STON2: variants seen among roughly 807,000 people sequenced by gnomAD.
STON2 encodes stonin-2.
STON2 carries 29 observed loss-of-function variants against 65.7 expected under a neutral mutation model. That is an observed-to-expected ratio of 0.44 (90% CI 0.33 to 0.60). The LOEUF is 0.60. STON2 is among the 20% of genes least tolerant of loss of function. The pLI, the probability that STON2 is intolerant of heterozygous loss-of-function variation, is 0.03. For missense variants in STON2, 1,054 were observed against 1,118.1 expected (o/e 0.94, Z 0.82); for synonymous variants, 404 against 414.2 (o/e 0.98, Z 0.30).
intron 3 of STON2, among the ~76,000 whole-genome samples, chr14:81,390,342 C>G (rs181039897): frequency 6.6e-6 from 1 of 152,192 alleles, no homozygotes; most frequent in African/African-American, 2.4e-5. Flanking sequence ...CTGCTCAATT[C>G]TGAGCACTGC....
At position 81,313,040 on chromosome 14, in the gene STON2, C is replaced by T. The variant is rs55637988; in HGVS notation, c.742+10977G>A. 5.0e-3 allele frequency among the ~76,000 whole-genome samples: 760 copies of T among 152,324 alleles called. 7 individuals carry two copies. The highest frequency in any genetic ancestry group is 0.02 in the Middle Eastern group (6 of 294). ...TGTCATTGTCCTCCTTGTACTCCTC[C>T]CTTCCTACCTCTTTCTTTCTCTTTC... On this transcript the variant is annotated intron_variant, in intron 5 of 7. Coordinates refer to ENST00000614646, the MANE Select transcript of STON2 (RefSeq NM_001394390.1).
chr14:81,323,214 C>G (rs1896883058), intron 5 of STON2, among the ~76,000 whole-genome samples: 1 of 152,176 alleles, frequency 6.6e-6, no homozygotes, highest in South Asian at 2.1e-4. Context: ...TTGAGACACA[C>G]AAGCCTGTTA....
rs1394007510 is a variant in STON2, at chr14:81,277,833, T to C, written c.1649A>G (p.Asn550Ser). 1 of 1,614,100 alleles carries C rather than the reference T, an allele frequency of 6.2e-7. No homozygotes were observed. The highest frequency in any genetic ancestry group is 1.3e-5 in the African/African-American group (1 of 74,920). The change falls in exon 6 of 8, where the codon AAT becomes AGT. Residue 550 changes from asparagine to serine, a missense_variant. Coordinates refer to ENST00000614646, the MANE Select transcript of STON2 (RefSeq NM_001394390.1). Reference protein sequence around the residue: ...SEPRLQNYDENGRIHSLRIDR... With the variant: ...SEPRLQNYDESGRIHSLRIDR... ...TATCCGCAAGCTGTGGATTCTGCCA[T>C]TCTCATCATAGTTTTGAAGCCGGGG...
rs537092511 is a variant in STON2, at chr14:81,429,607, T to C, written c.-309-2395A>G. On this transcript the variant is annotated intron_variant, in intron 1 of 8. Coordinates refer to the STON2 transcript ENST00000553821. ...TTTGATAATTTAGGCAAAGATTAAA[T>C]AGTCCGATGGCAGTCAAGAAAGGAC... Among the ~76,000 whole-genome samples the C allele has an allele frequency of 3.9e-4, 59 of 152,268 alleles. No individual in the cohort carries two copies. In the South Asian group the frequency reaches 0.012, roughly 31 times the overall value.
At chr14:81,317,988 C>A (rs375548751) in intron 5 of STON2, among the ~76,000 whole-genome samples, 1 of 150,210 alleles carries the variant, frequency 6.7e-6, no homozygotes, top group African/African-American at 2.5e-5. Context: ...GTTTTTTAGG[C>A]GGAGTCTCAC....
intron 4 of STON2, among the ~76,000 whole-genome samples, chr14:81,331,727 T>C (rs1472175740): frequency 1.3e-5 from 2 of 152,178 alleles, no homozygotes; most frequent in Non-Finnish European, 2.9e-5. Context: ...AAAAGCTGCA[T>C]TGTCCCTCCT....
intron 5 of STON2, among the ~76,000 whole-genome samples, chr14:81,301,193 T>C (rs1895955582): frequency 6.6e-6 from 1 of 152,100 alleles, no homozygotes; most frequent in African/African-American, 2.4e-5. Flanking sequence ...AAAAATAATA[T>C]CTAAGATTAT....
chr14:81,428,981 G>A (rs1189880681), intron 1 of STON2, among the ~76,000 whole-genome samples: 1 of 152,172 alleles, frequency 6.6e-6, no homozygotes, highest in Non-Finnish European at 1.5e-5. Context: ...GCTTGAGAAT[G>A]CCCTTTCATT....
At chr14:81,350,081 T>G (rs974884924) in intron 4 of STON2, among the ~76,000 whole-genome samples, 5 of 152,080 alleles carry the variant, frequency 3.3e-5, no homozygotes, top group Admixed American at 2.0e-4. Flanking sequence ...CGAAAGGGTA[T>G]GCAGAGAGGT....
chr14:81,379,580 A>G (rs1162607206), intron 3 of STON2, among the ~76,000 whole-genome samples: 2 of 152,172 alleles, frequency 1.3e-5, no homozygotes, highest in Non-Finnish European at 2.9e-5. Context: ...GAGACATCAC[A>G]CTACCCTTTT....
At chr14:81,345,396 G>A (rs1897772472) in intron 4 of STON2, among the ~76,000 whole-genome samples, 1 of 152,186 alleles carries the variant, frequency 6.6e-6, no homozygotes, top group Admixed American at 6.5e-5. Context: ...AAGATACAGG[G>A]AGAAAACTGG....
chr14:81,392,925 TCAATGCAA>T (rs560864546), intron 3 of STON2, among the ~76,000 whole-genome samples: 1 of 152,334 alleles, frequency 6.6e-6, no homozygotes, highest in East Asian at 1.9e-4. Flanking sequence ...TTTTTAACCA[TCAATGCAA>T]ATGTCAATGC....
At chr14:81,336,597 A>C (rs1469827042) in intron 4 of STON2, among the ~76,000 whole-genome samples, 1 of 151,972 alleles carries the variant, frequency 6.6e-6, no homozygotes, top group Non-Finnish European at 1.5e-5. Context: ...ATGTGGAATG[A>C]TGGCAGCTCA....
At chr14:81,378,707 A>G (rs1199785262) in intron 3 of STON2, among the ~76,000 whole-genome samples, 3 of 152,238 alleles carry the variant, frequency 2.0e-5, no homozygotes, top group Non-Finnish European at 4.4e-5. Context: ...ATTACAATTT[A>G]TTTGCCCTAC....
intron 5 of STON2, among the ~76,000 whole-genome samples, chr14:81,289,829 C>T (rs950695091): frequency 3.3e-5 from 5 of 152,138 alleles, no homozygotes; most frequent in African/African-American, 4.8e-5. Context: ...TCCATCCGTC[C>T]GTTGGCCAGG....
At chr14:81,432,163 CT>C (rs1156571472) in intron 1 of STON2, among the ~76,000 whole-genome samples, 1 of 151,988 alleles carries the variant, frequency 6.6e-6, no homozygotes, top group Non-Finnish European at 1.5e-5. Flanking sequence ...TTGTGCCATG[CT>C]TACGAATGAG....
intron 1 of STON2, among the ~76,000 whole-genome samples, chr14:81,430,356 G>T (rs1471385142): frequency 6.6e-6 from 1 of 152,252 alleles, no homozygotes; most frequent in Non-Finnish European, 1.5e-5. Context: ...TCCTCGTAAC[G>T]TTCTCCTCAA....
At chr14:81,342,814 T>G (rs757213458) in intron 4 of STON2, among the ~76,000 whole-genome samples, 1 of 151,532 alleles carries the variant, frequency 6.6e-6, no homozygotes, top group Non-Finnish European at 1.5e-5. Flanking sequence ...CAGAACAGAG[T>G]CCAAGCCAGG....
In STON2 at chr14:81,395,976, C is replaced by T. The variant is rs1359119409; in HGVS notation, c.291G>A (p.Ser97=). Residue 97 remains serine, a synonymous_variant, in exon 3 of 8, where the codon TCG becomes TCA. Coordinates refer to ENST00000614646, the MANE Select transcript of STON2 (RefSeq NM_001394390.1). Reference sequence around the variant, plus strand: ...CAAACTGAACCCAGTTGCTGATGGCCGAGGCCAGGTCAGGTGGGGGCTGCT... The same window carrying T: ...CAAACTGAACCCAGTTGCTGATGGCTGAGGCCAGGTCAGGTGGGGGCTGCT... ...SPEQPPPDLA[S]AISNWVQFED... 5 of 1,614,018 alleles carry T rather than the reference C, an allele frequency of 3.1e-6. No individual in the cohort carries two copies. Among genetic ancestry groups the T allele is most frequent in the Middle Eastern group, 1.6e-4 (1 of 6,084 alleles).
Sources: gnomAD v4.1 joint callset for allele counts (sites outside exome capture counted in the v4.1 genomes callset) on GRCh38, gnomAD v4.1.1 for gene constraint, MANE v1.5 for transcripts, NCBI Gene and HGNC (gene_info 2026-07-23, HGNC 2026-07-21) for gene names.